The following LHFPL3 variants were observed in gnomAD, a reference collection of about 807,000 sequenced individuals.
LHFPL3 encodes LHFPL tetraspan subfamily member 3 protein.
Under a neutral mutation model 19.3 loss-of-function variants are expected in LHFPL3, and 5 were observed. That is an observed-to-expected ratio of 0.26 (90% CI 0.14 to 0.54). The LOEUF is 0.54. LHFPL3 is among the 20% of genes least tolerant of loss of function. The pLI is 0.94. For missense variants in LHFPL3, 249 were observed against 307.4 expected (o/e 0.81, Z 1.42); for synonymous variants, 133 against 126.2 (o/e 1.05, Z -0.36).
chr7:104,388,542 C>T (rs1562882526), intron 1 of LHFPL3, among the ~76,000 whole-genome samples: 1 of 152,106 alleles, frequency 6.6e-6, no homozygotes, highest in Non-Finnish European at 1.5e-5. Context: ...CCAACTTACT[C>T]TATGAGACTA....
intron 1 of LHFPL3, among the ~76,000 whole-genome samples, chr7:104,457,043 G>C (rs1792556199): frequency 6.6e-6 from 1 of 152,140 alleles, no homozygotes; most frequent in Non-Finnish European, 1.5e-5. Flanking sequence ...TTGCCAATGA[G>C]ATGATAAAAA....
intron 1 of LHFPL3, among the ~76,000 whole-genome samples, chr7:104,661,355 A>T (rs1228939723): frequency 6.6e-6 from 1 of 152,154 alleles, no homozygotes; most frequent in East Asian, 1.9e-4. Flanking sequence ...TAAAACATCC[A>T]GGGCAGTATT....
intron 1 of LHFPL3, among the ~76,000 whole-genome samples, chr7:104,639,148 A>G (rs1050088337): frequency 2.6e-5 from 4 of 151,596 alleles, no homozygotes; most frequent in Non-Finnish European, 5.9e-5. Context: ...AATGGTACCA[A>G]CTCTTCTTAG....
chr7:104,360,739 G>A (rs1033302566), intron 1 of LHFPL3, among the ~76,000 whole-genome samples: 16 of 121,320 alleles, frequency 1.3e-4, no homozygotes, highest in Middle Eastern at 4.2e-3. Flanking sequence ...GTGTGTGTGT[G>A]TGTATACATT....
intron 1 of LHFPL3, among the ~76,000 whole-genome samples, chr7:104,432,614 C>T (rs1207203728): frequency 6.6e-6 from 1 of 152,104 alleles, no homozygotes; most frequent in Non-Finnish European, 1.5e-5. Flanking sequence ...GCACTGTCTA[C>T]TCATACAGCC....
chr7:104,476,243 T>C (rs1793014005), intron 1 of LHFPL3, among the ~76,000 whole-genome samples: 1 of 152,186 alleles, frequency 6.6e-6, no homozygotes, highest in Non-Finnish European at 1.5e-5. Context: ...ACACAAAAGA[T>C]GTAAAATAGC....
chr7:104,399,452 T>G lies in LHFPL3; in HGVS notation c.445+70228T>G, dbSNP rs1227473578. On this transcript the variant is annotated intron_variant, in intron 1 of 2. Coordinates refer to ENST00000424859, the MANE Select transcript of LHFPL3 (RefSeq NM_199000.3). This position sits in a 1 kb window ranked among gnomAD's most constrained non-coding sequence, Gnocchi z 4.4. ...CTTCTGTTTTTTTTTGTTTTTTAGG[T>G]TTTTTTTGTTTGTTTGTTTGAGATG... Among the ~76,000 whole-genome samples, 1 of 146,482 alleles carries G rather than the reference T, an allele frequency of 6.8e-6. No homozygotes were observed. The highest frequency in any genetic ancestry group is 2.7e-5 in the African/African-American group (1 of 36,720).
chr7:104,420,606 C>T (rs1791710749), intron 1 of LHFPL3, among the ~76,000 whole-genome samples: 2 of 129,476 alleles, frequency 1.5e-5, no homozygotes, highest in Non-Finnish European at 3.1e-5. Context: ...TTCGCCCAGG[C>T]TGGAGTGCAG....
intron 1 of LHFPL3, among the ~76,000 whole-genome samples, chr7:104,617,584 T>C (rs956463565): frequency 4.6e-5 from 7 of 152,222 alleles, no homozygotes; most frequent in Non-Finnish European, 7.3e-5. Flanking sequence ...TCTGTGTTTT[T>C]CCTAGACGCT....
chr7:104,371,948 A>G (rs986402034), intron 1 of LHFPL3, among the ~76,000 whole-genome samples: 2 of 152,378 alleles, frequency 1.3e-5, no homozygotes, highest in Middle Eastern at 3.4e-3. Flanking sequence ...AGTTGAGAAC[A>G]TCAGAGAGGA....
At chr7:104,653,294 G>A (rs1277798918) in intron 1 of LHFPL3, among the ~76,000 whole-genome samples, 1 of 152,166 alleles carries the variant, frequency 6.6e-6, no homozygotes, top group Non-Finnish European at 1.5e-5. Flanking sequence ...GCAGGGTCAT[G>A]GAAATATAAA....
chr7:104,572,839 T>C (rs1288761895), intron 1 of LHFPL3, among the ~76,000 whole-genome samples: 1 of 152,178 alleles, frequency 6.6e-6, no homozygotes, highest in African/African-American at 2.4e-5. Flanking sequence ...TTTCCAATCC[T>C]GCTAAAAGAG....
intron 2 of LHFPL3, among the ~76,000 whole-genome samples, chr7:104,857,621 A>G (rs989485690): frequency 2.0e-5 from 3 of 152,198 alleles, no homozygotes; most frequent in Admixed American, 2.0e-4. Context: ...CATTATTGTG[A>G]TGTCAGAACA....
intron 1 of LHFPL3, among the ~76,000 whole-genome samples, chr7:104,373,241 C>T (rs970329345): frequency 1.3e-5 from 2 of 151,974 alleles, no homozygotes; most frequent in Non-Finnish European, 2.9e-5. Context: ...TTTTTCAAGA[C>T]GAGGTGCCTG....
At chr7:104,750,364 T>C (rs1794139616) in intron 2 of LHFPL3, among the ~76,000 whole-genome samples, 2 of 152,214 alleles carry the variant, frequency 1.3e-5, no homozygotes, top group African/African-American at 4.8e-5. Context: ...TCCTGTCGGA[T>C]CAGTGCTTCC....
At chr7:104,526,054 T>C (rs1222279928) in intron 1 of LHFPL3, among the ~76,000 whole-genome samples, 2 of 152,162 alleles carry the variant, frequency 1.3e-5, no homozygotes, top group African/African-American at 4.8e-5. Context: ...AGCTTCTTTC[T>C]CCCAGAGTCT....
chr7:104,503,591 A>G (rs41031), intron 1 of LHFPL3, among the ~76,000 whole-genome samples: 21,167 of 151,966 alleles, frequency 0.14, 1,607 homozygotes, highest in East Asian at 0.21. Context: ...TTCTTTTGAG[A>G]CTGGGTCTCA....
intron 1 of LHFPL3, among the ~76,000 whole-genome samples, chr7:104,590,681 T>A (rs1790695119): frequency 6.6e-6 from 1 of 152,196 alleles, no homozygotes; most frequent in South Asian, 2.1e-4. Context: ...TAACTTTCTG[T>A]CTCATTGATC....
chr7:104,607,086 C>T (rs921380981), intron 1 of LHFPL3, among the ~76,000 whole-genome samples: 3 of 152,246 alleles, frequency 2.0e-5, no homozygotes, highest in Non-Finnish European at 4.4e-5. Flanking sequence ...ACTATGCCTA[C>T]ATCTTAGCGG....
Sources: allele counts gnomAD v4.1 joint callset (sites outside exome capture counted in the v4.1 genomes callset), GRCh38; gene constraint gnomAD v4.1.1; non-coding constraint Gnocchi (gnomAD v3.1); transcripts MANE v1.5; gene names NCBI Gene and HGNC (gene_info 2026-07-23, HGNC 2026-07-21).